BTBD9: variants seen among roughly 807,000 people sequenced by gnomAD.
BTBD9 encodes BTB/POZ domain-containing protein 9.
In BTBD9, 49 loss-of-function variants were observed where a neutral mutation model predicts 64.3. The ratio of observed to expected loss-of-function variants is 0.76; its 90% CI spans 0.61 to 0.97. BTBD9 has a LOEUF of 0.97. BTBD9 is among the 50% of genes least tolerant of loss of function. The pLI is 0.00. For synonymous variants in BTBD9, 260 were observed against 274.7 expected (o/e 0.95, Z 0.53); for missense variants, 598 against 762.1 (o/e 0.78, Z 2.53).
At chr6:38,371,260 T>C (rs72851451) in intron 6 of BTBD9, among the ~76,000 whole-genome samples, 18,752 of 152,246 alleles carry the variant, frequency 0.12, 1,268 homozygotes, top group Non-Finnish European at 0.14. Flanking sequence ...TGTGCACAGA[T>C]GAGACCTTTT....
intron 6 of BTBD9, among the ~76,000 whole-genome samples, chr6:38,418,055 A>G (rs1767753365): frequency 1.6e-5 from 2 of 122,380 alleles, no homozygotes; most frequent in Non-Finnish European, 3.7e-5. Context: ...CCTATAATTG[A>G]AGAATGCTTT....
intron 1 of BTBD9, 71 bp downstream of exon 1, chr6:38,639,729 G>C (rs1296170833): frequency 6.6e-6 from 1 of 151,946 alleles, no homozygotes. Context: ...CGCGGATACG[G>C]CGGGGGCGCG....
chr6:38,409,185 G>A (rs1283698392), intron 6 of BTBD9, among the ~76,000 whole-genome samples: 1 of 152,198 alleles, frequency 6.6e-6, no homozygotes, highest in Non-Finnish European at 1.5e-5. Context: ...GGGAGGTGGA[G>A]GTTGCAGTGA....
At chr6:38,400,571 T>C (rs572693102) in intron 6 of BTBD9, among the ~76,000 whole-genome samples, 1 of 152,298 alleles carries the variant, frequency 6.6e-6, no homozygotes, top group African/African-American at 2.4e-5. Context: ...CCCTAGGTTC[T>C]TCTAATGCCT....
intron 6 of BTBD9, among the ~76,000 whole-genome samples, chr6:38,507,988 C>T (rs1206374964): frequency 6.6e-6 from 1 of 152,054 alleles, no homozygotes; most frequent in African/African-American, 2.4e-5. Flanking sequence ...CACCCGCCAC[C>T]ACACCCCCCT....
intron 6 of BTBD9, among the ~76,000 whole-genome samples, chr6:38,516,509 C>T (rs544846606): frequency 2.0e-5 from 3 of 152,290 alleles, no homozygotes; most frequent in South Asian, 4.1e-4. Context: ...GCTACCTGGT[C>T]GCAGACTCTG....
Position 38,170,630 on chromosome 6 carries a change from TAAACCTTGCCCTTCCCTCTCTTCTGG to T in BTBD9, c.*4329_*4354del, listed in dbSNP as rs1177304477. On this transcript the variant is annotated 3_prime_UTR_variant, in exon 11 of 11. Transcript: ENST00000481247. ...CATTCCAGTTGTCCTGCATGCCATT[TAAACCTTGCCCTTCCCTCTCTTCTGG>T]AAACTCTGAGCAAACACCAGGCACT... The T allele has an allele frequency of 1.3e-5, 2 of 152,236 alleles. No homozygotes were observed. The highest frequency in any genetic ancestry group is 3.8e-4 in the East Asian group (2 of 5,202). The allele number at this position is 152,236 out of a possible 1,614,324, so 9.4% of individuals were successfully genotyped here. A position where few individuals can be genotyped will look rare whatever the true frequency, so the allele number is the denominator to read the frequency against.
intron 6 of BTBD9, among the ~76,000 whole-genome samples, chr6:38,542,190 A>T (rs777552404): frequency 6.6e-6 from 1 of 152,216 alleles, no homozygotes; most frequent in African/African-American, 2.4e-5. Flanking sequence ...CTGTTTTCTA[A>T]GAACAAGTCT....
intron 1 of BTBD9, among the ~76,000 whole-genome samples, chr6:38,635,893 A>G (rs147551290): frequency 1.1e-4 from 16 of 152,300 alleles, no homozygotes; most frequent in Non-Finnish European, 1.6e-4. Flanking sequence ...AAAGACAAGA[A>G]CTGATCCAAG....
intron 7 of BTBD9, among the ~76,000 whole-genome samples, chr6:38,307,315 T>C (rs1022459986): frequency 1.3e-5 from 2 of 152,356 alleles, no homozygotes; most frequent in Middle Eastern, 6.8e-3. Context: ...TAAAAATGTA[T>C]TCTACAACAC....
At position 38,617,158 on chromosome 6, in the gene BTBD9, G is replaced by A. The variant is rs145381980; in HGVS notation, c.-27-19037C>T. Among the ~76,000 whole-genome samples, 18 of 152,164 alleles carry A rather than the reference G, an allele frequency of 1.2e-4. No homozygotes were observed. In the South Asian group the frequency reaches 1.9e-3, roughly 16 times the overall value. On this transcript the variant is annotated intron_variant, in intron 1 of 10. Transcript: ENST00000481247. The stretch of plus-strand genomic sequence containing the variant: ...GCTCTCTAACAACCCTTGCCTCTTC[G>A]GAGTCGGGAGCGTTGCTTTGCCTGG...
intron 7 of BTBD9, among the ~76,000 whole-genome samples, chr6:38,338,016 A>G (rs2127585928): frequency 6.6e-6 from 1 of 152,318 alleles, no homozygotes. Flanking sequence ...CAGTGGTGGC[A>G]GCAGTAGTAA....
At chr6:38,442,380 G>A (rs370428955) in intron 6 of BTBD9, among the ~76,000 whole-genome samples, 5 of 152,024 alleles carry the variant, frequency 3.3e-5, no homozygotes, top group East Asian at 1.9e-4. Flanking sequence ...CAGCCTACTC[G>A]GGAGGCTTGA....
chr6:38,579,201 T>C (rs560587448), intron 5 of BTBD9, among the ~76,000 whole-genome samples: 106 of 152,326 alleles, frequency 7.0e-4, no homozygotes, highest in African/African-American at 2.5e-3. Context: ...AAATGCTGAC[T>C]CACACTTCAT....
intron 6 of BTBD9, among the ~76,000 whole-genome samples, chr6:38,569,641 T>C (rs887047900): frequency 6.6e-6 from 1 of 152,152 alleles, no homozygotes; most frequent in Non-Finnish European, 1.5e-5. Flanking sequence ...GCAATCCTGT[T>C]CTGTTTTCTC....
At chr6:38,248,524 G>A (rs1300454643) in intron 9 of BTBD9, among the ~76,000 whole-genome samples, 1 of 152,194 alleles carries the variant, frequency 6.6e-6, no homozygotes, top group East Asian at 1.9e-4. Context: ...AAAAATGAAT[G>A]CAAATGAGGA....
intron 7 of BTBD9, among the ~76,000 whole-genome samples, chr6:38,296,382 T>A (rs1762159120): frequency 6.6e-6 from 1 of 152,152 alleles, no homozygotes; most frequent in Non-Finnish European, 1.5e-5. Context: ...ATCTATTTTA[T>A]TAGTGCTCTT....
intron 6 of BTBD9, among the ~76,000 whole-genome samples, chr6:38,423,990 A>C (rs1015542864): frequency 9.2e-5 from 14 of 152,084 alleles, no homozygotes; most frequent in African/African-American, 3.1e-4. Context: ...TTCTCCGCAA[A>C]ATGAAAATAA....
At chr6:38,334,922 A>C (rs1182080352) in intron 7 of BTBD9, among the ~76,000 whole-genome samples, 1 of 152,130 alleles carries the variant, frequency 6.6e-6, no homozygotes, top group Non-Finnish European at 1.5e-5. Flanking sequence ...GTCCCCACCC[A>C]AATCTCATCT....
Sources: gnomAD v4.1 joint callset for allele counts (sites outside exome capture counted in the v4.1 genomes callset) on GRCh38, gnomAD v4.1.1 for gene constraint, MANE v1.5 for transcripts, NCBI Gene and HGNC (gene_info 2026-07-23, HGNC 2026-07-21) for gene names.